The following FUZ variants were observed in gnomAD, a reference collection of about 807,000 sequenced individuals.
The protein encoded by FUZ is fuzzy planar cell polarity protein, also known as protein fuzzy homolog.
FUZ carries 31 observed loss-of-function variants against 43.1 expected under a neutral mutation model. That is an observed-to-expected ratio of 0.72 (90% CI 0.54 to 0.97). The LOEUF (loss-of-function observed/expected upper bound fraction) is 0.97, where lower values mean the gene tolerates loss of function less well. Among genes scored for constraint, FUZ ranks in the 50% least tolerant of loss-of-function variants. The pLI is 0.00. For synonymous variants in FUZ, 274 were observed against 250.0 expected (o/e 1.10, Z -0.91); for missense variants, 539 against 543.8 (o/e 0.99, Z 0.09).
At position 49,809,010 on chromosome 19, in the gene FUZ, G is replaced by A. The variant is rs2073601718; in HGVS notation, c.786+153C>T. The A allele has an allele frequency of 1.1e-6, 1 of 903,524 alleles. No individual in the cohort carries two copies. The highest frequency in any genetic ancestry group is 1.4e-5 in the South Asian group (1 of 70,552). The allele number at this position is 903,524 out of a possible 1,614,324, so 56.0% of individuals were successfully genotyped here. On this transcript the variant is annotated intron_variant, in intron 7 of 10. Coordinates refer to ENST00000313777, the MANE Select transcript of FUZ (RefSeq NM_025129.5). The surrounding 1 kb of genome is among the most constrained non-coding windows in gnomAD (Gnocchi z 5.1). ...TGGAAGAATAGAGGCAGAGGCGGGA[G>A]CGGCCGATCTTGGCGGGTAGGTGAA...
At chr19:49,810,678 C>CCA (rs2073728622) in intron 5 of FUZ, among the ~76,000 whole-genome samples, 1 of 90,538 alleles carries the variant, frequency 1.1e-5, no homozygotes, top group Non-Finnish European at 2.2e-5. Context: ...GACTCTGTCT[C>CCA]AAAAAAAAAA....
Position 49,809,846 on chromosome 19 carries a change from A to G in FUZ, c.493-271T>C. On this transcript the variant is annotated intron_variant, in intron 5 of 10. Coordinates refer to ENST00000313777, the MANE Select transcript of FUZ (RefSeq NM_025129.5). This position sits in a 1 kb window ranked among gnomAD's most constrained non-coding sequence, Gnocchi z 5.1. The stretch of plus-strand genomic sequence containing the variant: ...AGCTAATAATGTAACCGCAGCAGCT[A>G]CCGTTCATCCAGGCCTGTTACATGC... The G allele has an allele frequency of 1.8e-6, 1 of 553,590 alleles. No homozygotes were observed. The highest frequency in any genetic ancestry group is 1.9e-5 in the African/African-American group (1 of 53,062). 34.3% of individuals were successfully genotyped at this position (553,590 alleles called of 1,614,324 possible). A position where few individuals can be genotyped will look rare whatever the true frequency, so the allele number is the denominator to read the frequency against.
At position 49,813,062 on chromosome 19, in the gene FUZ, G is replaced by A. The variant is rs2073868732; in HGVS notation, c.45C>T (p.Leu15=). 1.3e-6 allele frequency: 2 copies of A among 1,551,212 alleles called. No homozygotes were observed. Among genetic ancestry groups the A allele is most frequent in the Non-Finnish European group, 1.7e-6 (2 of 1,146,984 alleles). Residue 15 remains leucine (L), a synonymous_variant, in exon 1 of 11, where the codon CTC becomes CTT. Transcript: ENST00000313777. The part of the protein sequence containing the change: ...GTGGTVHLLC[L]AASSGVPLFC... ...ATAGGGGGACCCCGCTGGAGGCCGC[G>A]AGGCACAGCAGATGCACAGTGCCGC... is the stretch of plus-strand genomic sequence containing the variant.
At position 49,808,394 on chromosome 19, in the gene FUZ, GC is replaced by G. The variant is rs777975622; in HGVS notation, c.1033+19del. ...CAGTGTCCCCGCCTGCGCAGTGGGA[GC>G]ACTGTGCCTTCCGCTGACCTGGTGG... On this transcript the variant is annotated intron_variant, in intron 10 of 10. Coordinates refer to ENST00000313777, the MANE Select transcript of FUZ (RefSeq NM_025129.5). 1 of 1,606,866 alleles carries G rather than the reference GC, an allele frequency of 6.2e-7. No individual in the cohort carries two copies. Among genetic ancestry groups the G allele is most frequent in the Non-Finnish European group, 8.5e-7 (1 of 1,176,606 alleles).
Position 49,807,004 on chromosome 19 carries a change from G to A in FUZ, c.*147C>T. 1 of 1,524,492 alleles carries A rather than the reference G, an allele frequency of 6.6e-7. No individual in the cohort carries two copies. Among genetic ancestry groups the A allele is most frequent in the East Asian group, 2.5e-5 (1 of 40,366 alleles). 94.4% of individuals were successfully genotyped at this position (1,524,492 alleles called of 1,614,324 possible). A position where few individuals can be genotyped will look rare whatever the true frequency, so the allele number is the denominator to read the frequency against. On this transcript the variant is annotated 3_prime_UTR_variant, in exon 11 of 11. Transcript: ENST00000313777. ...CAAGCACAGAGGGGAGAGGGGCCAG[G>A]GAAGTGGATGTCTCCTCCCCTCCCA...
rs1336361905 is a variant in FUZ at position 49,807,019 on chromosome 19, C to T, written c.*132G>A. 2.3e-5 allele frequency: 35 copies of T among 1,500,306 alleles called. No individual in the cohort carries two copies. Among genetic ancestry groups the T allele is most frequent in the Non-Finnish European group, 3.1e-5 (35 of 1,119,732 alleles). 92.9% of individuals were successfully genotyped at this position (1,500,306 alleles called of 1,614,324 possible). A position where few individuals can be genotyped will look rare whatever the true frequency, so the allele number is the denominator to read the frequency against. ...GAGGGGCCAGGGAAGTGGATGTCTC[C>T]TCCCCTCCCACCCCACCCTGTTGTA... On this transcript the variant is annotated 3_prime_UTR_variant, in exon 11 of 11. Transcript: ENST00000313777.
At position 49,809,414 on chromosome 19, in the gene FUZ, G is replaced by A. The variant is rs745760765; in HGVS notation, c.654C>T (p.Arg218=). 15 of 1,543,300 alleles carry A rather than the reference G, an allele frequency of 9.7e-6. No individual in the cohort carries two copies. Among genetic ancestry groups the A allele is most frequent in the South Asian group, 2.4e-5 (2 of 84,086 alleles). Residue 218 remains arginine, a synonymous_variant, in exon 6 of 11, where the codon CGC becomes CGT. Transcript: ENST00000313777. This position sits in a 1 kb window ranked among gnomAD's most constrained non-coding sequence, Gnocchi z 5.1. ...LVGSLPPQTA[R]DYPVYLPHGS... ...CGTGCGGCAGGTACACCGGGTAGTC[G>A]CGAGCGGTCTGCGGCGGCAGGGACC...
chr19:49,809,004 G>A lies in FUZ; in HGVS notation c.786+159C>T, dbSNP rs1326384510. 7 of 887,136 alleles carry A rather than the reference G, an allele frequency of 7.9e-6. No individual in the cohort carries two copies. The Admixed American group carries it at 1.0e-4, about 13-fold the overall frequency. The allele number at this position is 887,136 out of a possible 1,614,324, so 55.0% of individuals were successfully genotyped here. A position where few individuals can be genotyped will look rare whatever the true frequency, so the allele number is the denominator to read the frequency against. The stretch of plus-strand genomic sequence containing the variant: ...GAGGCCTGGAAGAATAGAGGCAGAG[G>A]CGGGAGCGGCCGATCTTGGCGGGTA... On this transcript the variant is annotated intron_variant, in intron 7 of 10. Coordinates refer to ENST00000313777, the MANE Select transcript of FUZ (RefSeq NM_025129.5). This position sits in a 1 kb window ranked among gnomAD's most constrained non-coding sequence, Gnocchi z 5.1.
chr19:49,808,277 A>G lies in FUZ; in HGVS notation c.1033+137T>C. On this transcript the variant is annotated intron_variant, in intron 10 of 10. Transcript: ENST00000313777. ...CATCTGCATCAATGCTCAGATCTCA[A>G]GGAAAACCACTGCCCTATGGCCCAG... The G allele has an allele frequency of 7.8e-6, 7 of 901,070 alleles. No individual in the cohort carries two copies. The South Asian group carries it at 9.9e-5, about 13-fold the overall frequency. The allele number at this position is 901,070 out of a possible 1,614,324, so 55.8% of individuals were successfully genotyped here.
chr19:49,808,225 G>A (rs1369110708), intron 10 of FUZ, 189 bp downstream of exon 10: 1 of 674,028 alleles, frequency 1.5e-6, no homozygotes, highest in African/African-American at 1.8e-5. Flanking sequence ...CTGAAGCCAG[G>A]CGGGGACCTC....
Position 49,809,294 on chromosome 19 carries a change from C to T in FUZ, c.691-36G>A, listed in dbSNP as rs2073627540. The T allele has an allele frequency of 6.5e-7, 1 of 1,549,410 alleles. No homozygotes were observed. The highest frequency in any genetic ancestry group is 8.7e-7 in the Non-Finnish European group (1 of 1,146,520). The stretch of plus-strand genomic sequence containing the variant: ...GCACAGGCTGGGGCTCATCGCGGCC[C>T]GGCCCCTTTCCATCGCAGATCCCGC... On this transcript the variant is annotated intron_variant, in intron 6 of 10. Coordinates refer to ENST00000313777, the MANE Select transcript of FUZ (RefSeq NM_025129.5). The surrounding 1 kb of genome is among the most constrained non-coding windows in gnomAD (Gnocchi z 5.1).
At position 49,811,642 on chromosome 19, in the gene FUZ, T is replaced by TC. The variant is rs745980135; in HGVS notation, c.375dup (p.Lys126GlufsTer47). On this transcript the variant is annotated frameshift_variant, in exon 4 of 11. Coordinates refer to ENST00000313777, the MANE Select transcript of FUZ (RefSeq NM_025129.5). LOFTEE classifies it high-confidence loss of function. ...TCCTGCAACCTCACCCTCAAGTCCT[T>TC]CTTCAGTCTCTCCACGTTGCGGATA... is the stretch of plus-strand genomic sequence containing the variant. The TC allele has an allele frequency of 6.2e-7, 1 of 1,614,008 alleles. No individual in the cohort carries two copies. The highest frequency in any genetic ancestry group is 8.5e-7 in the Non-Finnish European group (1 of 1,179,998).
chr19:49,813,296 T>G (rs1337914528), upstream of FUZ: 2 of 692,020 alleles, frequency 2.9e-6, no homozygotes, highest in Non-Finnish European at 5.3e-6. Flanking sequence ...TTCAGGCACC[T>G]CCCCCAAACC....
chr19:49,808,861 AGGCGGGGCC>A (rs1171997956), intron 7 of FUZ, 38 bp from the exon 8 acceptor site: 2 of 1,324,258 alleles, frequency 1.5e-6, no homozygotes, highest in East Asian at 2.8e-5. Flanking sequence ...CGTCATGGGA[AGGCGGGGCC>A]GGCGGGGGAG....
At chr19:49,812,855 G>A (rs1023341907) in intron 1 of FUZ, 119 bp from the exon 2 acceptor site, 46 of 1,432,080 alleles carry the variant, frequency 3.2e-5, no homozygotes, top group Middle Eastern at 1.7e-4. Flanking sequence ...GTGCCTCTTT[G>A]GGGAACCAGG....
rs569553499 is a variant in FUZ, at chr19:49,807,462, C to T, written c.1034-88G>A. 28 of 1,346,526 alleles carry T rather than the reference C, an allele frequency of 2.1e-5. No homozygotes were observed. In the South Asian group the frequency reaches 2.3e-4, roughly 11 times the overall value. The allele number at this position is 1,346,526 out of a possible 1,614,324, so 83.4% of individuals were successfully genotyped here. A position where few individuals can be genotyped will look rare whatever the true frequency, so the allele number is the denominator to read the frequency against. Reference sequence around the variant, plus strand: ...ACATCCTGATCCCAAGTTCTGAACGCGTGGGGTCTCTGAACACAGGTTTTG... The same window carrying T: ...ACATCCTGATCCCAAGTTCTGAACGTGTGGGGTCTCTGAACACAGGTTTTG... On this transcript the variant is annotated intron_variant, in intron 10 of 10. Coordinates refer to ENST00000313777, the MANE Select transcript of FUZ (RefSeq NM_025129.5).
Position 49,807,023 on chromosome 19 carries a change from C to CCCA in FUZ, c.*127_*128insTGG. On this transcript the variant is annotated 3_prime_UTR_variant, in exon 11 of 11. Transcript: ENST00000313777. ...GGCCAGGGAAGTGGATGTCTCCTCCCCTCCCACCCCACCCTGTTGTAGCCC... is the reference window on the plus strand; with the variant it reads ...GGCCAGGGAAGTGGATGTCTCCTCCCCCACTCCCACCCCACCCTGTTGTAGCCC... The CCCA allele has an allele frequency of 6.8e-7, 1 of 1,459,976 alleles. No homozygotes were observed. Among genetic ancestry groups the CCCA allele is most frequent in the Non-Finnish European group, 9.2e-7 (1 of 1,083,712 alleles). The allele number at this position is 1,459,976 out of a possible 1,614,324, so 90.4% of individuals were successfully genotyped here.
Position 49,813,181 on chromosome 19 carries a change from C to G in FUZ, c.-75G>C. ...TGGAGCATGGCGGTAATCAGAGTAA[C>G]TCGGCCTGTGGTCCGGAGCCGCCAG... On this transcript the variant is annotated 5_prime_UTR_variant, in exon 1 of 11. Coordinates refer to ENST00000313777, the MANE Select transcript of FUZ (RefSeq NM_025129.5). 7.4e-7 allele frequency: 1 copy of G among 1,351,076 alleles called. No individual in the cohort carries two copies. Among genetic ancestry groups the G allele is most frequent in the Middle Eastern group, 2.4e-4 (1 of 4,252 alleles). The allele number at this position is 1,351,076 out of a possible 1,614,324, so 83.7% of individuals were successfully genotyped here. A position where few individuals can be genotyped will look rare whatever the true frequency, so the allele number is the denominator to read the frequency against.
At chr19:49,813,341 G>T (rs376521642), upstream of FUZ, 3 of 617,420 alleles carry the variant, frequency 4.9e-6, no homozygotes, top group East Asian at 2.8e-5. Context: ...CGGAAGTCAC[G>T]GTACCCCTAA....
Sources: gnomAD v4.1 joint callset for allele counts (sites outside exome capture counted in the v4.1 genomes callset) on GRCh38, gnomAD v4.1.1 for gene constraint, Gnocchi (gnomAD v3.1) non-coding constraint, MANE v1.5 for transcripts, NCBI Gene and HGNC (gene_info 2026-07-23, HGNC 2026-07-21) for gene names.